TBCEL: variants seen among roughly 807,000 people sequenced by gnomAD.
TBCEL encodes the protein tubulin folding cofactor E like.
In TBCEL, 15 loss-of-function variants were observed where a neutral mutation model predicts 44.2. The observed-to-expected ratio is 0.34, with a 90% CI of 0.23 to 0.52. The LOEUF is 0.52. TBCEL is among the 20% of genes least tolerant of loss of function. TBCEL has a pLI of 0.95. For missense variants in TBCEL, 319 were observed against 506.3 expected, an observed-to-expected ratio of 0.63 and a Z score of 3.55; for synonymous variants, 171 against 185.4, an observed-to-expected ratio of 0.92 and a Z score of 0.63.
chr11:121,053,067 T>G (rs1202257439), intron 4 of TBCEL, among the ~76,000 whole-genome samples: 2 of 151,824 alleles, frequency 1.3e-5, no homozygotes, highest in African/African-American at 2.4e-5. Flanking sequence ...GTTTTCTAAG[T>G]GATTGTGATA....
At chr11:121,062,487 G>A (rs750180104) in intron 8 of TBCEL, among the ~76,000 whole-genome samples, 10 of 152,058 alleles carry the variant, frequency 6.6e-5, no homozygotes, top group Non-Finnish European at 1.3e-4. Flanking sequence ...TATATGTTGC[G>A]TTATGATGCT....
At chr11:121,060,273 A>G (rs1945697262) in intron 8 of TBCEL, among the ~76,000 whole-genome samples, 188 bp downstream of exon 8, 1 of 151,962 alleles carries the variant, frequency 6.6e-6, no homozygotes, top group African/African-American at 2.4e-5. Flanking sequence ...TATTTCTTTC[A>G]GCTTTGCACA....
intron 1 of TBCEL, among the ~76,000 whole-genome samples, chr11:121,024,881 G>T (rs934170033): frequency 6.6e-6 from 1 of 152,148 alleles, no homozygotes; most frequent in South Asian, 2.1e-4. Context: ...GAAAAGATTT[G>T]CCCCAAGGTT....
At chr11:121,025,132 G>A (rs920955978) in intron 1 of TBCEL, among the ~76,000 whole-genome samples, 8 of 152,206 alleles carry the variant, frequency 5.3e-5, no homozygotes, top group African/African-American at 9.7e-5. Context: ...AGTGGAGAAA[G>A]GAGGAGCTCT....
At chr11:121,070,509 A>T (rs1945909070) in intron 8 of TBCEL, among the ~76,000 whole-genome samples, 1 of 152,194 alleles carries the variant, frequency 6.6e-6, no homozygotes, top group Admixed American at 6.5e-5. Context: ...TACACCATGG[A>T]ATACTATGCA....
chr11:121,075,396 AG>A (rs1321925716), intron 8 of TBCEL, among the ~76,000 whole-genome samples: 8 of 152,004 alleles, frequency 5.3e-5, no homozygotes, highest in African/African-American at 1.7e-4. Context: ...TAGTGTTGGG[AG>A]AAGCTGAGGC....
chr11:121,039,404 A>G (rs1000833474), intron 2 of TBCEL, among the ~76,000 whole-genome samples: 5 of 152,182 alleles, frequency 3.3e-5, no homozygotes, highest in African/African-American at 9.7e-5. Flanking sequence ...GTGTTATCTC[A>G]TGTATTTCCT....
chr11:121,085,467 C>T (rs1946199520), intron 8 of TBCEL, among the ~76,000 whole-genome samples: 1 of 152,126 alleles, frequency 6.6e-6, no homozygotes. Flanking sequence ...TTATGACTGT[C>T]TTATACAGTA....
chr11:121,030,539 A>G (rs1228193402), intron 1 of TBCEL, among the ~76,000 whole-genome samples: 1 of 152,154 alleles, frequency 6.6e-6, no homozygotes, highest in Non-Finnish European at 1.5e-5. Context: ...GATGGACAAA[A>G]TTGGGCAAAA....
intron 8 of TBCEL, among the ~76,000 whole-genome samples, chr11:121,078,657 A>G (rs957662026): frequency 6.6e-6 from 1 of 152,064 alleles, no homozygotes; most frequent in African/African-American, 2.4e-5. Context: ...TTCTACCCCT[A>G]CTTCAAGCAG....
At chr11:121,058,307 A>G (rs1319918206) in intron 6 of TBCEL, 38 bp from the exon 7 acceptor site, 1 of 1,601,124 alleles carries the variant, frequency 6.2e-7, no homozygotes. Context: ...ATTTATGTGC[A>G]TCTCTGGATT....
chr11:121,059,902 A>G, intron 7 of TBCEL, 67 bp from the exon 8 acceptor site: 4 of 1,107,748 alleles, frequency 3.6e-6, no homozygotes, highest in Non-Finnish European at 5.3e-6. Flanking sequence ...CAAGCCAATT[A>G]GTTTCTTTCT....
At chr11:121,055,370 A>G in intron 6 of TBCEL, 62 bp downstream of exon 6, 6 of 1,428,548 alleles carry the variant, frequency 4.2e-6, no homozygotes, top group Non-Finnish European at 4.6e-6. Context: ...CATGAAATAC[A>G]ATGAAAGTAT....
intron 1 of TBCEL, among the ~76,000 whole-genome samples, chr11:121,025,653 G>A (rs1945032389): frequency 6.6e-6 from 1 of 151,798 alleles, no homozygotes; most frequent in African/African-American, 2.4e-5. Context: ...ACATTTATTT[G>A]GTGTCAATCA....
At chr11:121,074,945 T>A (rs1463446571) in intron 8 of TBCEL, among the ~76,000 whole-genome samples, 1 of 152,014 alleles carries the variant, frequency 6.6e-6, no homozygotes. Context: ...TGTAAAATTT[T>A]GCAGAACCAC....
intron 6 of TBCEL, among the ~76,000 whole-genome samples, chr11:121,055,975 C>G (rs1018399028): frequency 6.9e-6 from 1 of 144,856 alleles, no homozygotes; most frequent in Non-Finnish European, 1.5e-5. Flanking sequence ...GTCAATGAAC[C>G]TATGTTGATT....
intron 8 of TBCEL, among the ~76,000 whole-genome samples, chr11:121,070,858 T>C (rs1945917493): frequency 6.7e-6 from 1 of 149,148 alleles, no homozygotes; most frequent in Non-Finnish European, 1.5e-5. Flanking sequence ...AGGCAGCAGC[T>C]GAGAGAGACC....
intron 8 of TBCEL, among the ~76,000 whole-genome samples, chr11:121,077,380 A>G (rs1946051488): frequency 6.6e-6 from 1 of 152,064 alleles, no homozygotes; most frequent in South Asian, 2.1e-4. Context: ...TTTTGAAGGA[A>G]TTCATCCATT....
At position 121,038,708 on chromosome 11, in the gene TBCEL, C is replaced by T. The variant is rs12272155; in HGVS notation, c.-18+2096C>T. On this transcript the variant is annotated intron_variant, in intron 2 of 8. Transcript: ENST00000683345. The stretch of plus-strand genomic sequence containing the variant: ...TTTCTTAGTTTTTGCTGACCTCCCC[C>T]GACCCCCTGCAAATTCAGGCAATAC... Among the ~76,000 whole-genome samples the T allele has an allele frequency of 9.1e-3, 1,385 of 152,250 alleles. 27 individuals carry two copies. Among genetic ancestry groups the T allele is most frequent in the African/African-American group, 0.032 (1,319 of 41,530 alleles).
Sources: allele counts gnomAD v4.1 joint callset (sites outside exome capture counted in the v4.1 genomes callset), GRCh38; gene constraint gnomAD v4.1.1; transcripts MANE v1.5; gene names NCBI Gene and HGNC (gene_info 2026-07-23, HGNC 2026-07-21).